The following ADGRB1 variants were observed in gnomAD, a reference collection of about 807,000 sequenced individuals.
ADGRB1 encodes the protein brain-specific angiogenesis inhibitor 1.
ADGRB1 carries 36 observed loss-of-function variants against 175.7 expected under a neutral mutation model. The ratio of observed to expected loss-of-function variants is 0.20; its 90% CI spans 0.16 to 0.27. The LOEUF (loss-of-function observed/expected upper bound fraction) is 0.27. ADGRB1 is among the 10% of genes least tolerant of loss of function. The pLI is 1.00. For missense variants in ADGRB1, 1,731 were observed against 2,255.3 expected (o/e 0.77, Z 4.71); for synonymous variants, 1,054 against 979.4 (o/e 1.08, Z -1.42).
chr8:142,497,325 T>G (rs1244391723), intron 17 of ADGRB1, among the ~76,000 whole-genome samples: 2 of 152,104 alleles, frequency 1.3e-5, no homozygotes, highest in South Asian at 4.1e-4. Context: ...TAAGAGCCTC[T>G]CCCTCACCCA....
chr8:142,450,505 G>A (rs937538382), intron 1 of ADGRB1, among the ~76,000 whole-genome samples: 4 of 151,972 alleles, frequency 2.6e-5, no homozygotes, highest in African/African-American at 9.7e-5. Flanking sequence ...AGACGCTGGC[G>A]GGGGTCTAAG....
intron 17 of ADGRB1, among the ~76,000 whole-genome samples, chr8:142,503,633 G>A (rs943254846): frequency 6.6e-6 from 1 of 152,116 alleles, no homozygotes; most frequent in Non-Finnish European, 1.5e-5. Context: ...GGCAGCAGGT[G>A]CGGGTCTGCA....
chr8:142,516,810 C>T (rs1228024538), intron 18 of ADGRB1, among the ~76,000 whole-genome samples: 2 of 152,094 alleles, frequency 1.3e-5, no homozygotes, highest in Non-Finnish European at 1.5e-5. Flanking sequence ...TCAGGCATGG[C>T]GGTTCAGCCT....
At chr8:142,454,947 G>A (rs915244806) in intron 1 of ADGRB1, among the ~76,000 whole-genome samples, 14 of 152,058 alleles carry the variant, frequency 9.2e-5, no homozygotes, top group East Asian at 3.9e-4. Context: ...TGGAGGGACC[G>A]GTGGAGACCT....
In ADGRB1 at chr8:142,464,357, C is replaced by T; in HGVS notation, c.159C>T (p.Gly53=). 2.0e-6 allele frequency: 3 copies of T among 1,519,854 alleles called. No homozygotes were observed. Among genetic ancestry groups the T allele is most frequent in the Non-Finnish European group, 2.6e-6 (3 of 1,138,644 alleles). The allele number at this position is 1,519,854 out of a possible 1,614,324, so 94.1% of individuals were successfully genotyped here. A position where few individuals can be genotyped will look rare whatever the true frequency, so the allele number is the denominator to read the frequency against. ...CGCTGGTGCAGGGAAAGTTCTTCGG[C>T]TACTTCTCCGCGGCCGCCGTGTTCC... is the stretch of plus-strand genomic sequence containing the variant. ...CATLVQGKFF[G]YFSAAAVFPA... is the part of the protein sequence containing the mutation. The change falls in exon 2 of 31, where the codon GGC becomes GGT. Residue 53 remains glycine (G), a synonymous_variant. Transcript: ENST00000517894.
At chr8:142,486,350 A>G (rs1020139621) in intron 13 of ADGRB1, among the ~76,000 whole-genome samples, 4 of 152,234 alleles carry the variant, frequency 2.6e-5, no homozygotes, top group African/African-American at 9.6e-5. Context: ...CTGCATGTAG[A>G]CAGACTATGA....
At chr8:142,544,154 C>G in intron 30 of ADGRB1, 66 bp from the exon 31 acceptor site, 1 of 1,509,722 alleles carries the variant, frequency 6.6e-7, no homozygotes, top group Non-Finnish European at 8.9e-7. Flanking sequence ...CTCCTCCCCC[C>G]TACTCCTCGG....
At position 142,464,488 on chromosome 8, in the gene ADGRB1, G is replaced by A; in HGVS notation, c.290G>A (p.Gly97Asp). 1.3e-6 allele frequency: 2 copies of A among 1,581,234 alleles called. No individual in the cohort carries two copies. The highest frequency in any genetic ancestry group is 2.3e-5 in the East Asian group (1 of 42,882). The stretch of plus-strand genomic sequence containing the variant: ...GCGCCCGTGCCCTGCAGCGGCCCCG[G>A]CCGCGTGCGCACCTACCAGTTCGAC... ...AKAPVPCSGP[G>D]RVRTYQFDSF... The change falls in exon 2 of 31, where the codon GGC becomes GAC. Residue 97 changes from glycine to aspartate, a missense_variant. Physicochemically the swap from Gly to Asp is moderately conservative, Grantham distance 94. Transcript: ENST00000517894.
At chr8:142,541,447 G>A (rs374147857) in intron 27 of ADGRB1, among the ~76,000 whole-genome samples, 266 of 152,284 alleles carry the variant, frequency 1.7e-3, no homozygotes, top group African/African-American at 6.2e-3. Flanking sequence ...AGGAAGGGCC[G>A]TGACAGAGGG....
intron 1 of ADGRB1, among the ~76,000 whole-genome samples, chr8:142,456,116 G>A (rs1264049799): frequency 6.6e-6 from 1 of 152,068 alleles, no homozygotes; most frequent in Non-Finnish European, 1.5e-5. Context: ...GGAGGAGAAG[G>A]GCCCCTGCAC....
intron 1 of ADGRB1, among the ~76,000 whole-genome samples, chr8:142,456,430 C>A (rs1326000224): frequency 6.6e-6 from 1 of 152,194 alleles, no homozygotes; most frequent in Non-Finnish European, 1.5e-5. Context: ...TGCACGTGCA[C>A]ACACTTCCTC....
At chr8:142,471,168 G>C (rs1210894035) in intron 2 of ADGRB1, among the ~76,000 whole-genome samples, 1 of 152,156 alleles carries the variant, frequency 6.6e-6, no homozygotes, top group Non-Finnish European at 1.5e-5. Flanking sequence ...AAACAAGAAG[G>C]CTTCAGTCCC....
chr8:142,528,861 G>A (rs777762145), intron 24 of ADGRB1, among the ~76,000 whole-genome samples: 16 of 152,216 alleles, frequency 1.1e-4, no homozygotes, highest in Non-Finnish European at 1.9e-4. Flanking sequence ...AAGGCACCGC[G>A]GGTGCAGGGC....
intron 10 of ADGRB1, 52 bp downstream of exon 10, chr8:142,481,412 C>T: frequency 8.7e-6 from 14 of 1,606,436 alleles, no homozygotes; most frequent in Non-Finnish European, 9.4e-6. Flanking sequence ...ACCCTGGCCA[C>T]ACAGGTTGGG....
intron 19 of ADGRB1, 21 bp from the exon 20 acceptor site, chr8:142,520,802 G>T: frequency 6.2e-7 from 1 of 1,605,062 alleles, no homozygotes. Flanking sequence ...TGCTGACCTT[G>T]GGCCCCTGCA....
intron 2 of ADGRB1, among the ~76,000 whole-genome samples, chr8:142,469,153 G>A (rs567310741): frequency 4.8e-3 from 27 of 5,622 alleles, no homozygotes; most frequent in East Asian, 0.038. Flanking sequence ...GTGTGCATGC[G>A]TGCATGTGTG....
rs1289860543 is a variant in ADGRB1 at position 142,509,689 on chromosome 8, G to GC, written c.2676-1242dup. Among the ~76,000 whole-genome samples the GC allele has an allele frequency of 2.0e-5, 3 of 152,346 alleles. No individual in the cohort carries two copies. In the East Asian group the frequency reaches 5.8e-4, roughly 29 times the overall value. ...GACCATAGGAAGACCCTCGACTTGG[G>GC]CTTTTCTCCTGAAGTCCGGGGGCAG... On this transcript the variant is annotated intron_variant, in intron 17 of 30. Coordinates refer to ENST00000517894, the MANE Select transcript of ADGRB1 (RefSeq NM_001702.3).
At chr8:142,461,170 A>G (rs1839949891) in intron 1 of ADGRB1, among the ~76,000 whole-genome samples, 2 of 152,178 alleles carry the variant, frequency 1.3e-5, no homozygotes, top group South Asian at 4.1e-4. Context: ...TGCAGAGAGC[A>G]TGGGCGGTGA....
intron 17 of ADGRB1, among the ~76,000 whole-genome samples, chr8:142,494,683 T>C (rs1349219540): frequency 6.6e-6 from 1 of 151,286 alleles, no homozygotes; most frequent in Non-Finnish European, 1.5e-5. Context: ...GCACCTGGTG[T>C]CCCTGCACCC....
Sources: allele counts gnomAD v4.1 joint callset (sites outside exome capture counted in the v4.1 genomes callset), GRCh38; gene constraint gnomAD v4.1.1; transcripts MANE v1.5; gene names NCBI Gene and HGNC (gene_info 2026-07-23, HGNC 2026-07-21).